Variants in ESYT2 observed in about 807,000 individuals in gnomAD.
ESYT2 encodes the protein extended synaptotagmin 2, also known as extended synaptotagmin-2.
In ESYT2, 54 loss-of-function variants were observed where a neutral mutation model predicts 107.2. The observed-to-expected ratio is 0.50, with a 90% CI of 0.40 to 0.63. ESYT2 has a LOEUF of 0.63. ESYT2 is among the 30% of genes least tolerant of loss of function. The pLI is 0.00. For synonymous variants in ESYT2, 491 were observed against 434.1 expected (o/e 1.13, Z -1.63); for missense variants, 1,020 against 1,094.5 (o/e 0.93, Z 0.96).
rs1235819390 is a variant in ESYT2 at position 158,798,095 on chromosome 7, T to G, written c.373-19A>C. On this transcript the variant is annotated intron_variant, in intron 2 of 22. Coordinates refer to ENST00000275418, the MANE Select transcript of ESYT2 (RefSeq NM_001367773.1). ...TTACAGTCTGGAAAGGAAAAAGAAC[T>G]CAGTTTAAACAAAATGCTATATAAT... 6.2e-7 allele frequency: 1 copy of G among 1,613,752 alleles called. No homozygotes were observed. The highest frequency in any genetic ancestry group is 8.5e-7 in the Non-Finnish European group (1 of 1,179,920).
At chr7:158,793,052 G>A (rs1440265479) in intron 4 of ESYT2, among the ~76,000 whole-genome samples, 2 of 151,406 alleles carry the variant, frequency 1.3e-5, no homozygotes. Context: ...ACAGGCATGA[G>A]CCACCACGCC....
chr7:158,764,909 T>C, intron 8 of ESYT2, 56 bp from the exon 9 acceptor site: 1 of 1,562,704 alleles, frequency 6.4e-7, no homozygotes, highest in Non-Finnish European at 8.7e-7. Context: ...TTAACTGGCA[T>C]GGAAGATAGC....
At chr7:158,816,760 T>C (rs1840158429) in intron 1 of ESYT2, among the ~76,000 whole-genome samples, 2 of 152,182 alleles carry the variant, frequency 1.3e-5, no homozygotes, top group South Asian at 4.1e-4. Flanking sequence ...CACAGCACCA[T>C]TTGTGATTAA....
chr7:158,782,745 C>T (rs1308877949), intron 6 of ESYT2, among the ~76,000 whole-genome samples: 1 of 151,328 alleles, frequency 6.6e-6, no homozygotes, highest in African/African-American at 2.4e-5. Context: ...GAAGCTCAAG[C>T]ATGTGTGAGA....
At chr7:158,822,897 A>C (rs1840326661) in intron 1 of ESYT2, among the ~76,000 whole-genome samples, 2 of 152,226 alleles carry the variant, frequency 1.3e-5, no homozygotes, top group South Asian at 4.1e-4. Context: ...AACTTAAGTT[A>C]GAACAATATT....
At chr7:158,748,575 C>T (rs1306937676) in intron 15 of ESYT2, among the ~76,000 whole-genome samples, 4 of 152,084 alleles carry the variant, frequency 2.6e-5, no homozygotes, top group Non-Finnish European at 4.4e-5. Context: ...GGCCTGGCCT[C>T]GGTTCTGTAA....
intron 6 of ESYT2, among the ~76,000 whole-genome samples, chr7:158,781,590 A>C (rs1031041192): frequency 3.2e-4 from 48 of 150,898 alleles, no homozygotes; most frequent in Middle Eastern, 3.2e-3. Flanking sequence ...GAGAGGTTTG[A>C]GTATAAGACC....
intron 1 of ESYT2, among the ~76,000 whole-genome samples, chr7:158,820,919 T>C (rs1159142376): frequency 9.8e-5 from 15 of 152,358 alleles, no homozygotes; most frequent in African/African-American, 3.6e-4. Flanking sequence ...TTACACACAT[T>C]TTGTGTCACT....
At chr7:158,738,048 G>C (rs1837029517) in intron 19 of ESYT2, among the ~76,000 whole-genome samples, 2 of 152,040 alleles carry the variant, frequency 1.3e-5, no homozygotes, top group Non-Finnish European at 2.9e-5. Flanking sequence ...TTAGAGACCA[G>C]CGTCTCCATA....
rs558586987 is a variant in ESYT2, at chr7:158,790,465, A to G, written c.585-2048T>C. Among the ~76,000 whole-genome samples, 4 of 152,216 alleles carry G rather than the reference A, an allele frequency of 2.6e-5. No individual in the cohort carries two copies. The East Asian group carries it at 7.7e-4, about 29-fold the overall frequency. The stretch of plus-strand genomic sequence containing the variant: ...GAAGAATGAGGATGAAGGACAAGAG[A>G]AGCCCGCTTTTAAGCCACAGCTGCA... On this transcript the variant is annotated intron_variant, in intron 4 of 22. Transcript: ENST00000275418.
At chr7:158,817,397 A>T (rs1054051374) in intron 1 of ESYT2, among the ~76,000 whole-genome samples, 1 of 152,222 alleles carries the variant, frequency 6.6e-6, no homozygotes, top group Non-Finnish European at 1.5e-5. Context: ...TCTAGACAGT[A>T]ACTTAACCAA....
intron 18 of ESYT2, among the ~76,000 whole-genome samples, 158 bp downstream of exon 18, chr7:158,741,365 G>A (rs1587371981): frequency 6.6e-6 from 1 of 152,106 alleles, no homozygotes; most frequent in Non-Finnish European, 1.5e-5. Flanking sequence ...GAGCAAAACG[G>A]CAACACAACC....
chr7:158,738,824 G>A (rs975802034), intron 19 of ESYT2, among the ~76,000 whole-genome samples, 199 bp downstream of exon 19: 1 of 152,150 alleles, frequency 6.6e-6, no homozygotes, highest in African/African-American at 2.4e-5. Flanking sequence ...GTTGTACTTC[G>A]GTGACCAAAA....
At position 158,793,739 on chromosome 7, in the gene ESYT2, G is replaced by T. The variant is rs769270046; in HGVS notation, c.508-13C>A. The T allele has an allele frequency of 6.9e-6, 11 of 1,603,820 alleles. No homozygotes were observed. In the Middle Eastern group the frequency reaches 5.0e-4, roughly 72 times the overall value. ...TGATCCTGAGGGGCTGAAATAAGAA[G>T]TAGCTTATTTTAAGATACAGAGGTT... On this transcript the variant is annotated splice_polypyrimidine_tract_variant and intron_variant, in intron 3 of 22. Coordinates refer to ENST00000275418, the MANE Select transcript of ESYT2 (RefSeq NM_001367773.1).
intron 1 of ESYT2, among the ~76,000 whole-genome samples, chr7:158,823,180 A>G (rs2129474344): frequency 6.8e-6 from 1 of 147,694 alleles, no homozygotes. Context: ...CTGTAGTCCC[A>G]GATACTTGGG....
Position 158,752,832 on chromosome 7 carries a change from T to G in ESYT2, c.1431A>C (p.Leu477Phe), listed in dbSNP as rs1422889476. 3.3e-5 allele frequency: 43 copies of G among 1,303,982 alleles called. No homozygotes were observed. Among genetic ancestry groups the G allele is most frequent in the Non-Finnish European group, 4.2e-5 (42 of 988,894 alleles). 80.8% of individuals were successfully genotyped at this position (1,303,982 alleles called of 1,614,324 possible). A position where few individuals can be genotyped will look rare whatever the true frequency, so the allele number is the denominator to read the frequency against. The stretch of plus-strand genomic sequence containing the variant: ...TCTTCAAGACATCGGGGTTAAATTC[T>G]AATGGGTTACTCTTTCAAGTCAGAA... ...DSARNLPSNPLEFNPDVLKKT... is the reference protein window; with the variant it reads ...DSARNLPSNPFEFNPDVLKKT... The change falls in exon 14 of 23, where the codon TTA becomes TTC. Residue 477 changes from leucine (L) to phenylalanine (F), a missense_variant. Leu to Phe is a conservative substitution (Grantham distance 22, BLOSUM62 0). Transcript: ENST00000275418.
intron 1 of ESYT2, among the ~76,000 whole-genome samples, chr7:158,807,025 A>G (rs942499928): frequency 6.6e-6 from 1 of 151,668 alleles, no homozygotes; most frequent in African/African-American, 2.4e-5. Flanking sequence ...TTATTCTAAT[A>G]TATATATATG....
At chr7:158,767,633 T>C in intron 8 of ESYT2, 21 bp downstream of exon 8, 6 of 1,603,418 alleles carry the variant, frequency 3.7e-6, no homozygotes, top group Non-Finnish European at 5.1e-6. Flanking sequence ...TAAATGTGAA[T>C]GGATGCCGGG....
At chr7:158,741,987 A>T in intron 17 of ESYT2, 91 bp from the exon 18 acceptor site, 1 of 1,423,868 alleles carries the variant, frequency 7.0e-7, no homozygotes, top group Non-Finnish European at 9.3e-7. Flanking sequence ...ACCTGCAAAA[A>T]TTTCTTTAAA....
Sources: gnomAD v4.1 joint callset for allele counts (sites outside exome capture counted in the v4.1 genomes callset) on GRCh38, gnomAD v4.1.1 for gene constraint, MANE v1.5 for transcripts, NCBI Gene and HGNC (gene_info 2026-07-23, HGNC 2026-07-21) for gene names.